Variants in ANO1 observed in about 807,000 individuals in gnomAD.
The protein encoded by ANO1 is anoctamin-1.
A neutral mutation model predicts 124.0 loss-of-function variants in ANO1; 59 were observed. The observed-to-expected ratio is 0.48, with a 90% CI of 0.39 to 0.59. The LOEUF (loss-of-function observed/expected upper bound fraction) is 0.59, where lower values mean the gene tolerates loss of function less well. ANO1 is among the 20% of genes least tolerant of loss of function. ANO1 has a pLI of 0.00. For synonymous variants in ANO1, 529 were observed against 532.0 expected, an observed-to-expected ratio of 0.99 and a Z score of 0.08; for missense variants, 1,059 against 1,328.0, an observed-to-expected ratio of 0.80 and a Z score of 3.15.
At position 70,026,019 on chromosome 11, in the gene ANO1, GTGA is replaced by G. The variant is rs1466016383; in HGVS notation, c.58+39856_58+39858del. ...GATGATGATGATGATGATGGTGGTGGTGATGGTGATGATGATGGTGATGATGGT... is the reference window on the plus strand; with the variant it reads ...GATGATGATGATGATGATGGTGGTGGTGGTGATGATGATGGTGATGATGGT... On this transcript the variant is annotated intron_variant, in intron 1 of 27. Coordinates refer to the ANO1 transcript ENST00000531349. Among the ~76,000 whole-genome samples the G allele has an allele frequency of 1.8e-3, 268 of 144,868 alleles. 5 individuals are homozygous for G. Among genetic ancestry groups the G allele is most frequent in the African/African-American group, 6.7e-3 (251 of 37,722 alleles).
intron 1 of ANO1, among the ~76,000 whole-genome samples, chr11:70,043,027 T>C (rs1311975700): frequency 6.6e-6 from 1 of 151,838 alleles, no homozygotes; most frequent in African/African-American, 2.4e-5. Context: ...AAATAATCAA[T>C]AGAAACAGAC....
chr11:70,035,415 T>C (rs1424685776), intron 1 of ANO1, among the ~76,000 whole-genome samples: 1 of 152,132 alleles, frequency 6.6e-6, no homozygotes, highest in African/African-American at 2.4e-5. Flanking sequence ...AAAATAATAA[T>C]TCATTACTTT....
intron 23 of ANO1, among the ~76,000 whole-genome samples, chr11:70,181,461 C>G (rs1261008852): frequency 6.6e-6 from 1 of 152,228 alleles, no homozygotes; most frequent in African/African-American, 2.4e-5. Flanking sequence ...GTGTGCACAC[C>G]GGGATGGCCC....
At chr11:70,187,054 C>G (rs1410888240) in intron 25 of ANO1, among the ~76,000 whole-genome samples, 5 of 152,142 alleles carry the variant, frequency 3.3e-5, no homozygotes, top group African/African-American at 1.2e-4. Context: ...TTTGGGCTGA[C>G]CAGGCTGGGA....
chr11:70,103,114 G>C lies in ANO1; in HGVS notation c.490G>C (p.Val164Leu). The change falls in exon 3 of 26, where the codon GTG becomes CTG. Residue 164 changes from valine (V) to leucine (L), a missense_variant. This residue lies in a region of ANO1 where 250 missense variants were observed against 233.1 expected (regional missense o/e 1.07). Transcript: ENST00000355303. ...TGTGAAAATCCATGCCCCCTGGAAC[G>C]TGCTGTGCAGAGAGGCCGAGTTTCT... is the stretch of plus-strand genomic sequence containing the variant. ...GFVKIHAPWN[V>L]LCREAEFLKL... 1 of 1,613,098 alleles carries C rather than the reference G, an allele frequency of 6.2e-7. No individual in the cohort carries two copies. Among genetic ancestry groups the C allele is most frequent in the Non-Finnish European group, 8.5e-7 (1 of 1,179,556 alleles).
chr11:70,050,242 G>A (rs4980754), intron 1 of ANO1, among the ~76,000 whole-genome samples: 97,906 of 152,038 alleles, frequency 0.64, 32,059 homozygotes, highest in East Asian at 0.91. Context: ...GGCAGCTGTG[G>A]TAACAGAGCT....
At chr11:70,075,648 TTA>T (rs2044048212), upstream of ANO1, among the ~76,000 whole-genome samples, 1 of 152,078 alleles carries the variant, frequency 6.6e-6, no homozygotes, top group Non-Finnish European at 1.5e-5. Flanking sequence ...GAGCAGGGAA[TTA>T]ATCCTGCCCA....
At chr11:70,032,454 G>A (rs1857018176) in intron 1 of ANO1, among the ~76,000 whole-genome samples, 1 of 152,030 alleles carries the variant, frequency 6.6e-6, no homozygotes, top group Non-Finnish European at 1.5e-5. Flanking sequence ...ATTCTGTCTG[G>A]AGAGGACTCC....
chr11:70,002,493 T>C (rs1461383698), intron 1 of ANO1, among the ~76,000 whole-genome samples: 2 of 119,486 alleles, frequency 1.7e-5, no homozygotes, highest in Non-Finnish European at 3.8e-5. Flanking sequence ...AAAAAACACT[T>C]ACGATTATGT....
At chr11:70,103,751 A>G (rs952580664) in intron 3 of ANO1, among the ~76,000 whole-genome samples, 2 of 152,078 alleles carry the variant, frequency 1.3e-5, no homozygotes, top group African/African-American at 4.8e-5. Flanking sequence ...TTTGAAGCAA[A>G]AGTAAAGTTT....
intron 23 of ANO1, among the ~76,000 whole-genome samples, chr11:70,180,719 C>G (rs1265254094): frequency 6.6e-6 from 1 of 152,130 alleles, no homozygotes; most frequent in Non-Finnish European, 1.5e-5. Context: ...AAGACAGAGA[C>G]AGAGGGAGAG....
intron 11 of ANO1, among the ~76,000 whole-genome samples, chr11:70,134,317 C>T (rs2046871963): frequency 6.6e-6 from 1 of 152,202 alleles, no homozygotes; most frequent in African/African-American, 2.4e-5. Flanking sequence ...ACCCCTGTAG[C>T]ACTGAGCCCC....
chr11:70,059,218 G>T (rs1183077404), intron 1 of ANO1, among the ~76,000 whole-genome samples: 2 of 151,808 alleles, frequency 1.3e-5, no homozygotes, highest in Non-Finnish European at 2.9e-5. Flanking sequence ...AGGTGTGGTG[G>T]CAGGCGCCTG....
chr11:70,126,476 G>A (rs2046515499), intron 10 of ANO1, among the ~76,000 whole-genome samples: 2 of 152,356 alleles, frequency 1.3e-5, no homozygotes, highest in South Asian at 4.1e-4. Context: ...AAGTTGTTAT[G>A]GTTGGCTTGT....
At chr11:70,177,598 T>TC (rs1186649016) in intron 22 of ANO1, among the ~76,000 whole-genome samples, 4 of 133,644 alleles carry the variant, frequency 3.0e-5, no homozygotes, top group South Asian at 2.7e-4. Flanking sequence ...TTTTTTCTTT[T>TC]TTTTTTTTTT....
At chr11:70,116,289 G>A (rs1590774885) in intron 7 of ANO1, among the ~76,000 whole-genome samples, 169 bp from the exon 8 acceptor site, 1 of 152,186 alleles carries the variant, frequency 6.6e-6, no homozygotes, top group African/African-American at 2.4e-5. Context: ...CTATCATAAC[G>A]GGGGCACACC....
Position 70,108,398 on chromosome 11 carries a change from A to T in ANO1, c.793A>T (p.Ser265Cys). The T allele has an allele frequency of 6.2e-7, 1 of 1,611,946 alleles. No homozygotes were observed. Among genetic ancestry groups the T allele is most frequent in the South Asian group, 1.1e-5 (1 of 90,846 alleles). ...KRTTCTKAKY[S>C]MGITSLLANG... Reference sequence around the variant, plus strand: ...AACGACGTGTACAAAGGCCAAGTACAGCATGGGTAAGCACGTTTTTGGGGC... The same window carrying T: ...AACGACGTGTACAAAGGCCAAGTACTGCATGGGTAAGCACGTTTTTGGGGC... The change falls in exon 6 of 26, where the codon AGC becomes TGC. Residue 265 changes from serine to cysteine, a missense_variant. Ser to Cys is a moderately radical substitution (Grantham distance 112, BLOSUM62 -1). Around this residue, in one of 2 missense-constraint regions of ANO1, gnomAD observed 809 missense variants for 1,094.9 expected, o/e 0.74. Coordinates refer to ENST00000355303, the MANE Select transcript of ANO1 (RefSeq NM_018043.7).
the ANO1 span, among the ~76,000 whole-genome samples, chr11:69,973,687 C>A: frequency 2.6e-5 from 4 of 151,990 alleles, no homozygotes; most frequent in South Asian, 8.3e-4. Context: ...ACCTGGCCAA[C>A]ATGGTGAAAC....
In ANO1 at chr11:70,165,711, G is replaced by A. The variant is rs1351281709; in HGVS notation, c.2051+141G>A. 4 of 717,424 alleles carry A rather than the reference G, an allele frequency of 5.6e-6. No individual in the cohort carries two copies. The South Asian group carries it at 7.3e-5, about 13-fold the overall frequency. 44.4% of individuals were successfully genotyped at this position (717,424 alleles called of 1,614,324 possible). ...GAAGCAGGGAGAGAAGGAGGACACAGAGGGAAGGTGGGGCAAAAGCCACCC... is the reference window on the plus strand; with the variant it reads ...GAAGCAGGGAGAGAAGGAGGACACAAAGGGAAGGTGGGGCAAAAGCCACCC... On this transcript the variant is annotated intron_variant, in intron 20 of 25. Transcript: ENST00000355303.
Sources: allele counts gnomAD v4.1 joint callset (sites outside exome capture counted in the v4.1 genomes callset), GRCh38; gene constraint gnomAD v4.1.1; regional missense constraint gnomAD v4.1.1; transcripts MANE v1.5; gene names NCBI Gene and HGNC (gene_info 2026-07-23, HGNC 2026-07-21).